Variants in PCBD1 observed in about 807,000 individuals in gnomAD.
The protein encoded by PCBD1 is pterin-4-alpha-carbinolamine dehydratase.
PCBD1 carries 16 observed loss-of-function variants against 12.6 expected under a neutral mutation model. The observed-to-expected ratio is 1.27, with a 90% CI of 0.86 to 1.93. The LOEUF is 1.93. Ranked by LOEUF, PCBD1 falls within the 30% of genes most tolerant of loss-of-function variation. The probability of loss-of-function intolerance (pLI) is 0.00; values close to 1 mark genes in which losing one functional copy is unlikely to be tolerated. For synonymous variants in PCBD1, 53 were observed against 50.2 expected (o/e 1.05, Z -0.23); for missense variants, 86 against 130.1 (o/e 0.66, Z 1.65).
intron 1 of PCBD1, 82 bp downstream of exon 1, chr10:70,888,449 C>T (rs1846623744): frequency 7.0e-7 from 1 of 1,425,398 alleles, no homozygotes. Context: ...AAAGACTTTC[C>T]CCCGCCCCTT....
At chr10:70,882,943 C>T (rs1487957086), downstream of PCBD1, among the ~76,000 whole-genome samples, 2 of 147,244 alleles carry the variant, frequency 1.4e-5, no homozygotes, top group Admixed American at 1.4e-4. Context: ...TAAAATGATC[C>T]AATGAGTATT....
rs1184749884 is a variant in PCBD1 at position 70,885,904 on chromosome 10, G to C, written c.29C>G (p.Ala10Gly). 6.2e-7 allele frequency: 1 copy of C among 1,613,968 alleles called. No individual in the cohort carries two copies. The highest frequency in any genetic ancestry group is 1.7e-5 in the Admixed American group (1 of 60,006). Reference protein sequence around the residue: MAGKAHRLSAEERDQLLPNL... With the variant: MAGKAHRLSGEERDQLLPNL... ...TGGCAGCAGCTGGTCCCTCTCCTCA[G>C]CGCTCAGCCTGTGTGCTTTGCCAGC... Residue 10 changes from alanine (A) to glycine (G), a missense_variant, in exon 2 of 4, where the codon GCT becomes GGT. By Grantham distance (60) the Ala-to-Gly change is moderately conservative (BLOSUM62 0). Coordinates refer to ENST00000299299, the MANE Select transcript of PCBD1 (RefSeq NM_000281.4).
At chr10:70,883,092 C>G (rs983735703), downstream of PCBD1, among the ~76,000 whole-genome samples, 1 of 152,142 alleles carries the variant, frequency 6.6e-6, no homozygotes, top group Non-Finnish European at 1.5e-5. Context: ...ATACCTGTGC[C>G]CTTCACACCC....
At chr10:70,888,411 G>A (rs1589486614) in intron 1 of PCBD1, 120 bp downstream of exon 1, 3 of 1,176,194 alleles carry the variant, frequency 2.6e-6, no homozygotes, top group African/African-American at 1.6e-5. Flanking sequence ...CCCACTTTCG[G>A]ACCCCGGCGG....
chr10:70,884,231 T>C (rs1481164594), intron 3 of PCBD1, among the ~76,000 whole-genome samples, 183 bp from the exon 4 acceptor site: 1 of 152,138 alleles, frequency 6.6e-6, no homozygotes, highest in Non-Finnish European at 1.5e-5. Context: ...TTGCTGTCTC[T>C]CAAAAATAAT....
At chr10:70,888,423 TC>T in intron 1 of PCBD1, 107 bp downstream of exon 1, 1 of 1,280,270 alleles carries the variant, frequency 7.8e-7, no homozygotes, top group Non-Finnish European at 1.0e-6. Context: ...CCCCGGCGGC[TC>T]CGCAGGGGAC....
At chr10:70,885,757 C>T (rs546030872) in intron 2 of PCBD1, 41 bp downstream of exon 2, 4 of 1,612,396 alleles carry the variant, frequency 2.5e-6, no homozygotes, top group Non-Finnish European at 3.4e-6. Context: ...GTGACCCCAT[C>T]AGCCCGTCTC....
chr10:70,883,601 A>G lies in PCBD1; in HGVS notation c.*349T>C. ...TTAGGGTCCTGGTTTCTAAGACAAG[A>G]CTTTATTTCACCCTGTATCACAGCT... On this transcript the variant is annotated 3_prime_UTR_variant, in exon 4 of 4. Transcript: ENST00000299299. The G allele has an allele frequency of 2.5e-6, 3 of 1,196,382 alleles. No individual in the cohort carries two copies. The highest frequency in any genetic ancestry group is 3.2e-6 in the Non-Finnish European group (3 of 950,278). The allele number at this position is 1,196,382 out of a possible 1,614,324, so 74.1% of individuals were successfully genotyped here.
chr10:70,885,735 A>G, intron 2 of PCBD1, 63 bp downstream of exon 2: 5 of 1,602,138 alleles, frequency 3.1e-6, no homozygotes, highest in Non-Finnish European at 4.3e-6. Flanking sequence ...GGGAGAGAAC[A>G]TGCTTTGTAA....
chr10:70,888,337 A>C, intron 1 of PCBD1, 194 bp downstream of exon 1: 1 of 490,412 alleles, frequency 2.0e-6, no homozygotes, highest in Non-Finnish European at 3.2e-6. Context: ...CGAACCCGCC[A>C]CCGCCCCTCT....
chr10:70,888,423 T>C, intron 1 of PCBD1, 108 bp downstream of exon 1: 2 of 1,280,272 alleles, frequency 1.6e-6, no homozygotes, highest in African/African-American at 1.6e-5. Context: ...CCCCGGCGGC[T>C]CCGCAGGGGA....
chr10:70,882,582 G>A (rs1476243072), downstream of PCBD1: 4 of 152,256 alleles, frequency 2.6e-5, no homozygotes, highest in Admixed American at 6.5e-5. Context: ...CTTTTATTTG[G>A]AAGAGGGTCA....
chr10:70,883,372 G>T, downstream of PCBD1: 1 of 207,022 alleles, frequency 4.8e-6, no homozygotes. Flanking sequence ...GAATCTGAAG[G>T]CAAGGTGGTC....
intron 1 of PCBD1, 102 bp downstream of exon 1, chr10:70,888,428 AG>A: frequency 1.5e-6 from 2 of 1,330,770 alleles, no homozygotes; most frequent in Non-Finnish European, 2.0e-6. Context: ...GCGGCTCCGC[AG>A]GGGACTCGAA....
Position 70,884,002 on chromosome 10 carries a change from C to G in PCBD1, c.263G>C (p.Arg88Pro), listed in dbSNP as rs115117837. Residue 88 changes from arginine to proline, a missense_variant, in exon 4 of 4, where the codon CGG (arginine) becomes CCG (proline). Arg to Pro is a moderately radical substitution (Grantham distance 103, BLOSUM62 -2). Coordinates refer to ENST00000299299, the MANE Select transcript of PCBD1 (RefSeq NM_000281.4). Reference sequence around the variant, plus strand: ...GATGAAGCTGGCCAGGTTTATGTCCCGTTCTGAAAGGCCGGCACACTCATG... The same window carrying G: ...GATGAAGCTGGCCAGGTTTATGTCCGGTTCTGAAAGGCCGGCACACTCATG... ...STHECAGLSE[R>P]DINLASFIEQ... 9.3e-6 allele frequency: 15 copies of G among 1,613,980 alleles called. No individual in the cohort carries two copies. The highest frequency in any genetic ancestry group is 1.2e-5 in the Non-Finnish European group (14 of 1,180,042).
Position 70,888,326 on chromosome 10 carries a change from T to G in PCBD1, c.3+205A>C, listed in dbSNP as rs2854614. On this transcript the variant is annotated intron_variant, in intron 1 of 3. Transcript: ENST00000299299. ...GCCTGGCCTCCCAACTGGGTGGGAT[T>G]CGAACCCGCCACCGCCCCTCTCAGG... 142,329 of 461,336 alleles carry G rather than the reference T, an allele frequency of 0.31. 23,057 individuals carry two copies. The highest frequency in any genetic ancestry group is 0.43 in the South Asian group (10,094 of 23,210). 28.6% of individuals were successfully genotyped at this position (461,336 alleles called of 1,614,324 possible).
At position 70,885,911 on chromosome 10, in the gene PCBD1, G is replaced by A. The variant is rs1158861198; in HGVS notation, c.22C>T (p.Leu8=). 2 of 1,613,808 alleles carry A rather than the reference G, an allele frequency of 1.2e-6. No individual in the cohort carries two copies. Among genetic ancestry groups the A allele is most frequent in the African/African-American group, 2.7e-5 (2 of 74,916 alleles). ...AGCTGGTCCCTCTCCTCAGCGCTCA[G>A]CCTGTGTGCTTTGCCAGCCTAGAAG... MAGKAHR[L]SAEERDQLLP... Residue 8 remains leucine (L), a synonymous_variant, in exon 2 of 4, where the codon CTG becomes TTG. Coordinates refer to ENST00000299299, the MANE Select transcript of PCBD1 (RefSeq NM_000281.4).
chr10:70,884,732 T>C (rs1335962333), intron 3 of PCBD1, among the ~76,000 whole-genome samples: 1 of 152,160 alleles, frequency 6.6e-6, no homozygotes, highest in African/African-American at 2.4e-5. Context: ...TCTGCCCACC[T>C]CGGCCTCCCA....
downstream of PCBD1, among the ~76,000 whole-genome samples, chr10:70,882,667 C>T (rs552883411): frequency 1.4e-4 from 22 of 152,294 alleles, no homozygotes; most frequent in Admixed American, 1.3e-3. Context: ...GGAAGACAGT[C>T]GGCTTTACTC....
Sources: allele counts gnomAD v4.1 joint callset (sites outside exome capture counted in the v4.1 genomes callset), GRCh38; gene constraint gnomAD v4.1.1; transcripts MANE v1.5; gene names NCBI Gene and HGNC (gene_info 2026-07-23, HGNC 2026-07-21).